The following SDK1 variants were observed in gnomAD, a reference collection of about 807,000 sequenced individuals.
SDK1 encodes protein sidekick-1.
SDK1 carries 157 observed loss-of-function variants against 245.5 expected under a neutral mutation model. The ratio of observed to expected loss-of-function variants is 0.64; its 90% CI spans 0.56 to 0.73. The LOEUF (loss-of-function observed/expected upper bound fraction) is 0.73. Among genes scored for constraint, SDK1 ranks in the 30% least tolerant of loss-of-function variants. The pLI, the probability that SDK1 is intolerant of heterozygous loss-of-function variation, is 0.00. For missense variants in SDK1, 3,583 were observed against 3,002.3 expected (o/e 1.19, Z -4.52); for synonymous variants, 1,647 against 1,278.5 (o/e 1.29, Z -6.15).
At chr7:3,372,494 G>A (rs1028201471) in intron 1 of SDK1, among the ~76,000 whole-genome samples, 2 of 152,192 alleles carry the variant, frequency 1.3e-5, no homozygotes, top group Non-Finnish European at 2.9e-5. Context: ...ACGCCCTATT[G>A]CCTCTTACCC....
chr7:4,110,608 G>A, intron 22 of SDK1, 55 bp from the exon 23 acceptor site: 6 of 1,263,530 alleles, frequency 4.7e-6, no homozygotes, highest in South Asian at 3.6e-5. Flanking sequence ...GGTCTACATG[G>A]CAGCCTCAGT....
chr7:3,943,803 C>T (rs1780468211), intron 5 of SDK1, among the ~76,000 whole-genome samples: 1 of 152,176 alleles, frequency 6.6e-6, no homozygotes, highest in South Asian at 2.1e-4. Context: ...TCAGCCTCTT[C>T]TATGAGTAAA....
chr7:4,094,353 C>T lies in SDK1; in HGVS notation c.3324+14769C>T, dbSNP rs549692258. On this transcript the variant is annotated intron_variant, in intron 22 of 44. Coordinates refer to ENST00000404826, the MANE Select transcript of SDK1 (RefSeq NM_152744.4). ...CTGGTATTATAGGTGTGAGCCACCGCGCCCGGCCCAGCCGGGGGTTTGAAA... is the reference window on the plus strand; with the variant it reads ...CTGGTATTATAGGTGTGAGCCACCGTGCCCGGCCCAGCCGGGGGTTTGAAA... Among the ~76,000 whole-genome samples the T allele has an allele frequency of 4.8e-3, 733 of 152,314 alleles. 2 individuals carry two copies. Among genetic ancestry groups the T allele is most frequent in the Non-Finnish European group, 5.8e-3 (397 of 68,038 alleles).
chr7:3,695,835 A>G (rs1007292690), intron 4 of SDK1, among the ~76,000 whole-genome samples: 6 of 152,232 alleles, frequency 3.9e-5, no homozygotes, highest in African/African-American at 1.2e-4. Flanking sequence ...CCAGCAGTGT[A>G]ATCACCTGGA....
At chr7:3,409,454 T>A (rs1779142352) in intron 1 of SDK1, among the ~76,000 whole-genome samples, 1 of 152,176 alleles carries the variant, frequency 6.6e-6, no homozygotes, top group South Asian at 2.1e-4. Flanking sequence ...CTTGGCTGAC[T>A]TTCACCCATG....
chr7:4,221,297 G>T lies in SDK1; in HGVS notation c.5760G>T (p.Leu1920=). The change falls in exon 40 of 45, where the codon CTG becomes CTT. Residue 1920 remains leucine (L), a synonymous_variant. Coordinates refer to ENST00000404826, the MANE Select transcript of SDK1 (RefSeq NM_152744.4). ...LVTKSASELT[L]QWTEGHSGDT... ...CCAAGTCCGCCTCTGAACTGACGCT[G>T]CAGTGGACTGAGGGACACTCTGGCG... The T allele has an allele frequency of 6.2e-7, 1 of 1,613,874 alleles. No homozygotes were observed. Among genetic ancestry groups the T allele is most frequent in the South Asian group, 1.1e-5 (1 of 91,062 alleles).
intron 35 of SDK1, among the ~76,000 whole-genome samples, chr7:4,189,785 G>A (rs535229811): frequency 9.8e-5 from 15 of 152,316 alleles, no homozygotes; most frequent in South Asian, 6.2e-4. Context: ...GTGAGACTCC[G>A]TCTCAAAAAA....
At chr7:3,474,795 A>G (rs895279600) in intron 1 of SDK1, among the ~76,000 whole-genome samples, 6 of 152,140 alleles carry the variant, frequency 3.9e-5, no homozygotes, top group Admixed American at 6.5e-5. Flanking sequence ...GGTTCAAGCG[A>G]TCTTCCTACC....
intron 1 of SDK1, among the ~76,000 whole-genome samples, chr7:3,347,850 A>G (rs1041868476): frequency 7.3e-5 from 11 of 151,644 alleles, no homozygotes; most frequent in African/African-American, 2.7e-4. Context: ...TATGCACTAG[A>G]GCGTGGCTTA....
At chr7:4,235,384 G>A (rs1786095009) in intron 41 of SDK1, among the ~76,000 whole-genome samples, 2 of 152,130 alleles carry the variant, frequency 1.3e-5, no homozygotes, top group Non-Finnish European at 1.5e-5. Flanking sequence ...GGCTGGTCTC[G>A]AACTCCTGAC....
chr7:4,101,465 A>G (rs994602512), intron 22 of SDK1, among the ~76,000 whole-genome samples: 3 of 152,190 alleles, frequency 2.0e-5, no homozygotes, highest in Non-Finnish European at 2.9e-5. Flanking sequence ...TGCATTTTTT[A>G]AAACTCACCG....
At position 4,268,557 on chromosome 7, in the gene SDK1, G is replaced by A. The variant is rs1296194187; in HGVS notation, c.*3173G>A. On this transcript the variant is annotated 3_prime_UTR_variant, in exon 45 of 45. Transcript: ENST00000404826. ...CGCGCCTCCACAGCCCCGGGAGGTG[G>A]CTCACTCTGTACAGGTCTTCGGAGG... The A allele has an allele frequency of 3.8e-6, 5 of 1,303,940 alleles. No individual in the cohort carries two copies. The highest frequency in any genetic ancestry group is 5.1e-6 in the Non-Finnish European group (5 of 987,102). 80.8% of individuals were successfully genotyped at this position (1,303,940 alleles called of 1,614,324 possible). A position where few individuals can be genotyped will look rare whatever the true frequency, so the allele number is the denominator to read the frequency against.
At position 3,769,243 on chromosome 7, in the gene SDK1, G is replaced by A. The variant is rs562240959; in HGVS notation, c.714-52207G>A. Among the ~76,000 whole-genome samples the A allele has an allele frequency of 5.3e-5, 8 of 152,270 alleles. No individual in the cohort carries two copies. The South Asian group carries it at 6.2e-4, about 12-fold the overall frequency. On this transcript the variant is annotated intron_variant, in intron 4 of 44. Coordinates refer to ENST00000404826, the MANE Select transcript of SDK1 (RefSeq NM_152744.4). ...TGGGTAATGTATGAAGAAAAAGAATGTATTTCTTAACAGCTGTGGAGGCTG... is the reference window on the plus strand; with the variant it reads ...TGGGTAATGTATGAAGAAAAAGAATATATTTCTTAACAGCTGTGGAGGCTG...
intron 1 of SDK1, among the ~76,000 whole-genome samples, chr7:3,380,894 C>T (rs946005798): frequency 1.3e-5 from 2 of 152,156 alleles, no homozygotes; most frequent in African/African-American, 4.8e-5. Context: ...GTGACCAGAA[C>T]TGTGAGAAAG....
chr7:3,905,139 C>T (rs1460244186), intron 5 of SDK1, among the ~76,000 whole-genome samples: 1 of 151,042 alleles, frequency 6.6e-6, no homozygotes, highest in Non-Finnish European at 1.5e-5. Flanking sequence ...CAATTCATAT[C>T]CTGGAAATCA....
At chr7:3,892,161 T>C (rs1781476395) in intron 5 of SDK1, among the ~76,000 whole-genome samples, 1 of 152,252 alleles carries the variant, frequency 6.6e-6, no homozygotes, top group African/African-American at 2.4e-5. Flanking sequence ...GACCCATATT[T>C]CAGGTTTTTG....
At chr7:3,315,337 A>G (rs1289778627) in intron 1 of SDK1, among the ~76,000 whole-genome samples, 1 of 152,050 alleles carries the variant, frequency 6.6e-6, no homozygotes, top group East Asian at 1.9e-4. Context: ...ACCCTATTTT[A>G]TAGTTGAGGA....
rs1418335916 is a variant in SDK1, at chr7:3,580,996, C to CAAAAAAAAAAA, written c.299-38080_299-38079insAAAAAAAAAAA. 3.0e-3 allele frequency among the ~76,000 whole-genome samples: 275 copies of CAAAAAAAAAAA among 92,924 alleles called. 57 individuals are homozygous for CAAAAAAAAAAA. Among genetic ancestry groups the CAAAAAAAAAAA allele is most frequent in the Middle Eastern group, 0.019 (3 of 156 alleles). 61.0% of individuals were successfully genotyped at this position (92,924 alleles called of 152,430 possible). ...AAAAAAAAAAAAAAAAAAAAAAAAC[C>CAAAAAAAAAAA]AAAACAAAACCCTGGAAGACAATCT... On this transcript the variant is annotated intron_variant, in intron 1 of 44. Transcript: ENST00000404826.
intron 1 of SDK1, among the ~76,000 whole-genome samples, chr7:3,483,604 G>A (rs1270348979): frequency 2.0e-5 from 3 of 152,150 alleles, no homozygotes; most frequent in African/African-American, 7.2e-5. Context: ...AAGTGGAACA[G>A]ATATCCTTGT....
Sources: gnomAD v4.1 joint callset for allele counts (sites outside exome capture counted in the v4.1 genomes callset) on GRCh38, gnomAD v4.1.1 for gene constraint, MANE v1.5 for transcripts, NCBI Gene and HGNC (gene_info 2026-07-23, HGNC 2026-07-21) for gene names.